Variants in ZNF350 observed in about 807,000 individuals in gnomAD.
ZNF350 encodes the protein zinc finger protein 350.
Under a neutral mutation model 13.1 loss-of-function variants are expected in ZNF350, and 5 were observed. The observed-to-expected ratio is 0.38, with a 90% CI of 0.20 to 0.80. The LOEUF (loss-of-function observed/expected upper bound fraction) is 0.80, where lower values mean the gene tolerates loss of function less well. ZNF350 is among the 30% of genes least tolerant of loss of function. ZNF350 has a pLI of 0.43. For missense variants in ZNF350, 534 were observed against 644.2 expected, an observed-to-expected ratio of 0.83 and a Z score of 1.85; for synonymous variants, 199 against 224.2, an observed-to-expected ratio of 0.89 and a Z score of 1.00.
chr19:51,964,765 T>C lies in ZNF350; in HGVS notation c.*89A>G, dbSNP rs1262385690. ...AGTTTATCAGGCTATCTCAGCCTTA[T>C]ACATGTTCTCTCAGTGTATGCTTTT... On this transcript the variant is annotated 3_prime_UTR_variant, in exon 5 of 5. Transcript: ENST00000243644. 7.0e-6 allele frequency: 10 copies of C among 1,436,272 alleles called. No homozygotes were observed. The Middle Eastern group carries it at 5.5e-4, about 79-fold the overall frequency. 89.0% of individuals were successfully genotyped at this position (1,436,272 alleles called of 1,614,324 possible).
chr19:51,977,810 CAG>C (rs996106888), intron 1 of ZNF350, among the ~76,000 whole-genome samples: 58 of 152,316 alleles, frequency 3.8e-4, no homozygotes, highest in African/African-American at 1.3e-3. Flanking sequence ...GAAATTTTCT[CAG>C]AGCTTGTCAG....
At chr19:51,983,591 C>T (rs8110287) in intron 1 of ZNF350, among the ~76,000 whole-genome samples, 142,360 of 152,246 alleles carry the variant, frequency 0.94, 66,765 homozygotes, top group African/African-American at 0.98. Flanking sequence ...ACTAAGATGT[C>T]TGTGTAAAGT....
chr19:51,986,176 A>G (rs2086154557), intron 1 of ZNF350, among the ~76,000 whole-genome samples: 1 of 152,094 alleles, frequency 6.6e-6, no homozygotes, highest in Admixed American at 6.6e-5. Flanking sequence ...CCCGATCTGT[A>G]AATAGCCACC....
Position 51,964,726 on chromosome 19 carries a change from A to G in ZNF350, c.*128T>C, listed in dbSNP as rs1465262375. 59 of 1,142,946 alleles carry G rather than the reference A, an allele frequency of 5.2e-5. No homozygotes were observed. The highest frequency in any genetic ancestry group is 7.2e-5 in the Non-Finnish European group (59 of 819,946). 70.8% of individuals were successfully genotyped at this position (1,142,946 alleles called of 1,614,324 possible). Reference sequence around the variant, plus strand: ...AATTTGCCTGTGTATCACAGCATACATTTTAATAGGATGAGTTTATCAGGC... The same window carrying G: ...AATTTGCCTGTGTATCACAGCATACGTTTTAATAGGATGAGTTTATCAGGC... On this transcript the variant is annotated 3_prime_UTR_variant, in exon 5 of 5. Transcript: ENST00000243644.
At chr19:51,970,198 A>G (rs1294670978) in intron 2 of ZNF350, among the ~76,000 whole-genome samples, 4 of 151,438 alleles carry the variant, frequency 2.6e-5, no homozygotes, top group Admixed American at 6.6e-5. Flanking sequence ...AGTAGCTAGG[A>G]TTACAGGTGC....
chr19:51,965,611 T>C lies in ZNF350; in HGVS notation c.842A>G (p.Gln281Arg). The C allele has an allele frequency of 6.2e-7, 1 of 1,614,236 alleles. No individual in the cohort carries two copies. Among genetic ancestry groups the C allele is most frequent in the Non-Finnish European group, 8.5e-7 (1 of 1,180,042 alleles). The change falls in exon 5 of 5, where the codon CAG becomes CGG. Residue 281 changes from glutamine to arginine, a missense_variant. Coordinates refer to ENST00000243644, the MANE Select transcript of ZNF350 (RefSeq NM_021632.4). ...GGGTTTCTCTCCGGTATGTGTTTTC[T>C]GATGTATGTTGAGCCGTGATTTCTT... ...FLKKSRLNIH[Q>R]KTHTGEKPYI...
At chr19:51,974,589 T>C (rs1036570268) in intron 1 of ZNF350, 58 bp from the exon 2 acceptor site, 5 of 523,700 alleles carry the variant, frequency 9.5e-6, no homozygotes. Context: ...GCCCAGATAC[T>C]GTCACTGCTG....
chr19:51,965,892 A>T lies in ZNF350; in HGVS notation c.561T>A (p.Thr187=). 6.2e-7 allele frequency: 1 copy of T among 1,614,130 alleles called. No homozygotes were observed. The highest frequency in any genetic ancestry group is 1.7e-5 in the Admixed American group (1 of 60,022). The change falls in exon 5 of 5, where the codon ACT becomes ACA. Residue 187 remains threonine (T), a synonymous_variant. Transcript: ENST00000243644. ...GCTTGGGACTGATGAATTGGGACTT[A>T]GTGCTGATGAGTTTTTGACTTGCAG... ...KFPASQKLIS[T]KSQFISPKHQ...
At chr19:51,978,416 A>G (rs1454232027) in intron 1 of ZNF350, among the ~76,000 whole-genome samples, 1 of 152,238 alleles carries the variant, frequency 6.6e-6, no homozygotes, top group East Asian at 1.9e-4. Context: ...GACTCCGATT[A>G]TGAAGGAGAA....
Position 51,965,405 on chromosome 19 carries a change from C to T in ZNF350, c.1048G>A (p.Glu350Lys). ...HTGKTPFVCS[E>K]CGKSCSQKSG... ...TTCTGAGAACAGGATTTTCCACATT[C>T]ACTGCACACAAAGGGCGTCTTTCCT... Residue 350 changes from glutamate to lysine, a missense_variant, in exon 5 of 5, where the codon GAA becomes AAA. Glu to Lys is a moderately conservative substitution (Grantham distance 56). Transcript: ENST00000243644. The T allele has an allele frequency of 6.2e-7, 1 of 1,614,156 alleles. No individual in the cohort carries two copies. Among genetic ancestry groups the T allele is most frequent in the Non-Finnish European group, 8.5e-7 (1 of 1,180,022 alleles).
intron 1 of ZNF350, among the ~76,000 whole-genome samples, chr19:51,979,741 A>C (rs1229743101): frequency 6.6e-6 from 1 of 152,228 alleles, no homozygotes; most frequent in Non-Finnish European, 1.5e-5. Flanking sequence ...AACTGAAGAC[A>C]CTGTGGATTG....
At position 51,966,285 on chromosome 19, in the gene ZNF350, T is replaced by TG. The variant is rs1487745633; in HGVS notation, c.239-72_239-71insC. 2.7e-6 allele frequency: 4 copies of TG among 1,467,340 alleles called. No homozygotes were observed. In the African/African-American group the frequency reaches 4.3e-5, roughly 16 times the overall value. 90.9% of individuals were successfully genotyped at this position (1,467,340 alleles called of 1,614,324 possible). ...AAAGTTTGTTGTGGTTTTTTTGTTT[T>TG]TTTTGTTTTTTTTTTTAAGATGGAG... is the stretch of plus-strand genomic sequence containing the variant. On this transcript the variant is annotated intron_variant, in intron 4 of 4. Coordinates refer to ENST00000243644, the MANE Select transcript of ZNF350 (RefSeq NM_021632.4).
chr19:51,981,506 G>C (rs1181110181), intron 1 of ZNF350: 1 of 152,118 alleles, frequency 6.6e-6, no homozygotes, highest in Admixed American at 6.6e-5. Flanking sequence ...TCTTGGTCAG[G>C]CTGGCCTTCA....
At chr19:51,978,830 C>T (rs1266429238) in intron 1 of ZNF350, among the ~76,000 whole-genome samples, 1 of 152,090 alleles carries the variant, frequency 6.6e-6, no homozygotes, top group Non-Finnish European at 1.5e-5. Context: ...GGTAAGACTC[C>T]AGCAGAAAGA....
At chr19:51,979,818 T>A (rs1169078899) in intron 1 of ZNF350, among the ~76,000 whole-genome samples, 1 of 152,222 alleles carries the variant, frequency 6.6e-6, no homozygotes, top group Non-Finnish European at 1.5e-5. Flanking sequence ...TTCACTGGCA[T>A]TGGCGGCAAG....
At chr19:51,977,956 A>G (rs547251953) in intron 1 of ZNF350, among the ~76,000 whole-genome samples, 25 of 152,312 alleles carry the variant, frequency 1.6e-4, no homozygotes, top group Admixed American at 3.9e-4. Context: ...AAAACTGGAC[A>G]TCTAAAAAAG....
At position 51,964,961 on chromosome 19, in the gene ZNF350, C is replaced by G; in HGVS notation, c.1492G>C (p.Gly498Arg). 1 of 1,614,178 alleles carries G rather than the reference C, an allele frequency of 6.2e-7. No individual in the cohort carries two copies. Among genetic ancestry groups the G allele is most frequent in the Non-Finnish European group, 8.5e-7 (1 of 1,180,032 alleles). Residue 498 changes from glycine to arginine, a missense_variant, in exon 5 of 5, where the codon GGA (glycine) becomes CGA (arginine). Coordinates refer to ENST00000243644, the MANE Select transcript of ZNF350 (RefSeq NM_021632.4). ...TCCTGTGCAAATCCTCTGTTATCTCCTGAGGCTGCACATCTGACCACTGGC... is the reference window on the plus strand; with the variant it reads ...TCCTGTGCAAATCCTCTGTTATCTCGTGAGGCTGCACATCTGACCACTGGC... Reference protein sequence around the residue: ...GQPVVRCAASGDNRGFAQDRN... With the variant: ...GQPVVRCAASRDNRGFAQDRN...
intron 2 of ZNF350, among the ~76,000 whole-genome samples, chr19:51,970,437 A>T (rs1204588099): frequency 6.6e-6 from 1 of 151,518 alleles, no homozygotes; most frequent in Non-Finnish European, 1.5e-5. Context: ...CAGTTGTTAT[A>T]CTATATTGTT....
chr19:51,975,951 A>G (rs1449840459), intron 1 of ZNF350, among the ~76,000 whole-genome samples: 2 of 152,230 alleles, frequency 1.3e-5, no homozygotes. Context: ...ATCAAACAGC[A>G]AACTGTTTAT....
Sources: gnomAD v4.1 joint callset for allele counts (sites outside exome capture counted in the v4.1 genomes callset) on GRCh38, gnomAD v4.1.1 for gene constraint, MANE v1.5 for transcripts, NCBI Gene and HGNC (gene_info 2026-07-23, HGNC 2026-07-21) for gene names.